SLC14A2: variants seen among roughly 807,000 people sequenced by gnomAD.
The protein encoded by SLC14A2 is urea transporter 2.
A neutral mutation model predicts 104.6 loss-of-function variants in SLC14A2; 91 were observed. That is an observed-to-expected ratio of 0.87 (90% CI 0.73 to 1.04). The LOEUF is 1.04. Among genes scored for constraint, SLC14A2 ranks in the 50% least tolerant of loss-of-function variants. The probability of loss-of-function intolerance (pLI) is 0.00; values close to 1 mark genes in which losing one functional copy is unlikely to be tolerated. For synonymous variants in SLC14A2, 476 were observed against 466.4 expected (o/e 1.02, Z -0.27); for missense variants, 1,189 against 1,156.0 (o/e 1.03, Z -0.41).
intron 1 of SLC14A2, among the ~76,000 whole-genome samples, chr18:45,268,896 A>G (rs925060846): frequency 6.6e-6 from 1 of 151,894 alleles, no homozygotes; most frequent in Admixed American, 6.6e-5. Context: ...GGAGGCACCA[A>G]GGGGAGTTCT....
intron 2 of SLC14A2, among the ~76,000 whole-genome samples, chr18:45,494,406 T>C (rs1482814239): frequency 6.6e-6 from 1 of 152,084 alleles, no homozygotes; most frequent in African/African-American, 2.4e-5. Context: ...CAAAACTTGG[T>C]AGTCATCTTT....
chr18:45,281,094 G>A lies in SLC14A2; in HGVS notation c.-125+67903G>A, dbSNP rs151118168. Reference sequence around the variant, plus strand: ...CCGTGTCTGTCAAAATACTGACAGCGCTTCTCCCTGCTCGGAGAGCATCAG... The same window carrying A: ...CCGTGTCTGTCAAAATACTGACAGCACTTCTCCCTGCTCGGAGAGCATCAG... On this transcript the variant is annotated intron_variant, in intron 1 of 20. Transcript: ENST00000586448. Among the ~76,000 whole-genome samples the A allele has an allele frequency of 8.5e-3, 1,291 of 152,244 alleles. 18 individuals carry two copies. The highest frequency in any genetic ancestry group is 0.014 in the Non-Finnish European group (949 of 68,018).
chr18:45,300,380 C>G (rs935140451), intron 1 of SLC14A2, among the ~76,000 whole-genome samples: 1 of 129,144 alleles, frequency 7.7e-6, no homozygotes, highest in Admixed American at 7.2e-5. Flanking sequence ...AATGACAGAG[C>G]CTGCTCTATC....
chr18:45,368,933 G>T (rs909146391), intron 1 of SLC14A2, among the ~76,000 whole-genome samples: 3 of 152,106 alleles, frequency 2.0e-5, no homozygotes, highest in African/African-American at 7.2e-5. Flanking sequence ...GCCTTAAAAA[G>T]CATGAATTCT....
chr18:45,255,147 C>CTA (rs1291768952), intron 1 of SLC14A2, among the ~76,000 whole-genome samples: 2 of 152,182 alleles, frequency 1.3e-5, no homozygotes, highest in African/African-American at 4.8e-5. Context: ...ACACACTGTG[C>CTA]TACCCTTTCT....
chr18:45,178,187 T>C, the SLC14A2 span, among the ~76,000 whole-genome samples: 1 of 152,102 alleles, frequency 6.6e-6, no homozygotes, highest in Non-Finnish European at 1.5e-5. Context: ...CTTAAAGCAA[T>C]AGTAAATTTG....
intron 2 of SLC14A2, among the ~76,000 whole-genome samples, chr18:45,500,197 T>G (rs2043169087): frequency 6.6e-6 from 1 of 152,344 alleles, no homozygotes; most frequent in East Asian, 1.9e-4. Context: ...TCACTTGGCC[T>G]ATATTGGAAC....
At chr18:45,239,821 C>CAAAGG (rs1421286616) in intron 1 of SLC14A2, among the ~76,000 whole-genome samples, 1 of 152,058 alleles carries the variant, frequency 6.6e-6, no homozygotes, top group Non-Finnish European at 1.5e-5. Flanking sequence ...TAGCCCTTAC[C>CAAAGG]CTGCCAGGTA....
At chr18:45,581,101 T>C (rs1160735969) in intron 2 of SLC14A2, among the ~76,000 whole-genome samples, 1 of 152,116 alleles carries the variant, frequency 6.6e-6, no homozygotes, top group Admixed American at 6.5e-5. Flanking sequence ...TGAATTGTCA[T>C]CTTCTCTCAC....
intron 2 of SLC14A2, among the ~76,000 whole-genome samples, chr18:45,568,193 C>T (rs2044294018): frequency 6.6e-6 from 1 of 152,238 alleles, no homozygotes; most frequent in Non-Finnish European, 1.5e-5. Context: ...TTCACTCCCA[C>T]TGCCATCCCC....
intron 2 of SLC14A2, among the ~76,000 whole-genome samples, chr18:45,551,280 G>A (rs72904418): frequency 0.09 from 13,668 of 152,174 alleles, 755 homozygotes; most frequent in Non-Finnish European, 0.12. Flanking sequence ...GCGGTGTGAT[G>A]GCAGATGGCT....
At position 45,666,117 on chromosome 18, in the gene SLC14A2, C is replaced by G; in HGVS notation, c.1475-20C>G. 6.3e-7 allele frequency: 1 copy of G among 1,583,986 alleles called. No homozygotes were observed. Among genetic ancestry groups the G allele is most frequent in the Non-Finnish European group, 8.7e-7 (1 of 1,152,446 alleles). On this transcript the variant is annotated intron_variant, in intron 11 of 19. Coordinates refer to ENST00000255226, the MANE Select transcript of SLC14A2 (RefSeq NM_007163.4). Reference sequence around the variant, plus strand: ...AGTAGAGGTGTCCTAACTGATGGTGCTCTTTCCTTCTAACTCCAGTGTTTG... The same window carrying G: ...AGTAGAGGTGTCCTAACTGATGGTGGTCTTTCCTTCTAACTCCAGTGTTTG...
intron 1 of SLC14A2, among the ~76,000 whole-genome samples, chr18:45,342,292 G>T (rs1425571823): frequency 6.6e-6 from 1 of 152,198 alleles, no homozygotes; most frequent in Non-Finnish European, 1.5e-5. Context: ...GTGACCAGAT[G>T]AGACGTTGCT....
intron 1 of SLC14A2, among the ~76,000 whole-genome samples, chr18:45,274,501 G>A (rs917595024): frequency 2.6e-5 from 4 of 152,126 alleles, no homozygotes; most frequent in Middle Eastern, 3.4e-3. Context: ...CAAGGTCCAG[G>A]TTTTCCAAAT....
At chr18:45,280,492 T>C (rs1451792851) in intron 1 of SLC14A2, among the ~76,000 whole-genome samples, 1 of 152,186 alleles carries the variant, frequency 6.6e-6, no homozygotes, top group Non-Finnish European at 1.5e-5. Flanking sequence ...TACTGGGGTC[T>C]CCAGCCTCGA....
intron 1 of SLC14A2, among the ~76,000 whole-genome samples, chr18:45,446,851 AAG>A (rs2086778759): frequency 6.6e-6 from 1 of 152,164 alleles, no homozygotes; most frequent in Non-Finnish European, 1.5e-5. Flanking sequence ...AGGAAATGGG[AAG>A]AGAGGTCATT....
At chr18:45,283,727 C>G (rs1417931764) in intron 1 of SLC14A2, among the ~76,000 whole-genome samples, 1 of 152,174 alleles carries the variant, frequency 6.6e-6, no homozygotes, top group Non-Finnish European at 1.5e-5. Context: ...GAAACTTTCA[C>G]TTAGACAAGG....
At chr18:45,300,272 G>A (rs12456157) in intron 1 of SLC14A2, among the ~76,000 whole-genome samples, 2,333 of 152,158 alleles carry the variant, frequency 0.015, 36 homozygotes, top group Non-Finnish European at 0.024. Flanking sequence ...TTTTCAACAG[G>A]ACTAATGAGT....
intron 1 of SLC14A2, among the ~76,000 whole-genome samples, chr18:45,307,438 AAAAAAC>A (rs1449151738): frequency 3.7e-5 from 4 of 107,444 alleles, no homozygotes; most frequent in East Asian, 2.4e-4. Flanking sequence ...AAAAAAAACC[AAAAAAC>A]CAAAAAACCA....
Sources: gnomAD v4.1 joint callset for allele counts (sites outside exome capture counted in the v4.1 genomes callset) on GRCh38, gnomAD v4.1.1 for gene constraint, MANE v1.5 for transcripts, NCBI Gene and HGNC (gene_info 2026-07-23, HGNC 2026-07-21) for gene names.